The following PALM2AKAP2 variants were observed in gnomAD, a reference collection of about 807,000 sequenced individuals.
The protein encoded by PALM2AKAP2 is PALM2 and AKAP2 fusion.
A neutral mutation model predicts 71.5 loss-of-function variants in PALM2AKAP2; 37 were observed. The observed-to-expected ratio is 0.52, with a 90% CI of 0.40 to 0.68. The LOEUF is 0.68. Ranked by LOEUF, PALM2AKAP2 falls within the 30% of genes least tolerant of loss-of-function variation. PALM2AKAP2 has a pLI of 0.00. For synonymous variants in PALM2AKAP2, 468 were observed against 478.8 expected (o/e 0.98, Z 0.29); for missense variants, 1,224 against 1,191.8 (o/e 1.03, Z -0.40).
intron 3 of PALM2AKAP2, among the ~76,000 whole-genome samples, chr9:109,888,936 T>A (rs1434687477): frequency 6.6e-6 from 1 of 152,158 alleles, no homozygotes; most frequent in Non-Finnish European, 1.5e-5. Context: ...TAATAAAACA[T>A]GTCTCCAGAC....
At chr9:110,022,803 C>T (rs1833097697) in intron 7 of PALM2AKAP2, among the ~76,000 whole-genome samples, 1 of 151,880 alleles carries the variant, frequency 6.6e-6, no homozygotes, top group Non-Finnish European at 1.5e-5. Context: ...TGTTCAGTTC[C>T]CACCTATGAG....
chr9:110,095,465 T>C (rs1384961650), intron 1 of PALM2AKAP2, among the ~76,000 whole-genome samples: 1 of 152,076 alleles, frequency 6.6e-6, no homozygotes, highest in Non-Finnish European at 1.5e-5. Context: ...TTTTGGTTGG[T>C]GGTAATGCCT....
chr9:109,692,085 A>C (rs1827906566), intron 1 of PALM2AKAP2, among the ~76,000 whole-genome samples: 1 of 150,502 alleles, frequency 6.6e-6, no homozygotes, highest in Admixed American at 6.6e-5. Context: ...ATTTTTAAAA[A>C]ATTTTTAAAT....
intron 6 of PALM2AKAP2, chr9:109,942,875 G>A (rs1831409294): frequency 1.9e-6 from 3 of 1,614,042 alleles, no homozygotes; most frequent in African/African-American, 2.7e-5. Flanking sequence ...CACAAATTAA[G>A]CACAAAGGAT....
intron 2 of PALM2AKAP2, among the ~76,000 whole-genome samples, chr9:109,876,493 T>A (rs564504017): frequency 6.6e-6 from 1 of 152,174 alleles, no homozygotes; most frequent in Non-Finnish European, 1.5e-5. Flanking sequence ...TCTTTCTTTT[T>A]TTTGAGACAG....
intron 1 of PALM2AKAP2, among the ~76,000 whole-genome samples, chr9:109,666,282 G>A (rs1319199486): frequency 6.6e-6 from 1 of 152,184 alleles, no homozygotes; most frequent in African/African-American, 2.4e-5. Context: ...ATCATGCTAG[G>A]AGCTGCAGAT....
chr9:110,099,823 T>C (rs1020137640), intron 1 of PALM2AKAP2, among the ~76,000 whole-genome samples: 7 of 151,856 alleles, frequency 4.6e-5, no homozygotes, highest in African/African-American at 1.5e-4. Context: ...TTCAATTGAT[T>C]TGTATTTCTT....
intron 2 of PALM2AKAP2, 151 bp from the exon 3 acceptor site, chr9:109,880,400 G>A (rs1829818124): frequency 8.8e-7 from 1 of 1,141,322 alleles, no homozygotes; most frequent in Non-Finnish European, 1.2e-6. Flanking sequence ...TGATCTAGAG[G>A]GAAGTAGGGA....
exon 2 of PALM2AKAP2, chr9:110,136,134 C>A: frequency 6.3e-7 from 1 of 1,575,180 alleles, no homozygotes; most frequent in Non-Finnish European, 8.6e-7. Flanking sequence ...CAGAAGCCTC[C>A]CCAGCTTTCT....
At chr9:109,809,274 G>T (rs1827665060) in intron 1 of PALM2AKAP2, among the ~76,000 whole-genome samples, 1 of 152,168 alleles carries the variant, frequency 6.6e-6, no homozygotes, top group South Asian at 2.1e-4. Flanking sequence ...ACTGGGAGGG[G>T]AGCTTTACCC....
chr9:109,915,925 G>T (rs930696724), intron 3 of PALM2AKAP2, among the ~76,000 whole-genome samples: 1 of 151,914 alleles, frequency 6.6e-6, no homozygotes, highest in Non-Finnish European at 1.5e-5. Flanking sequence ...CCAACACCCA[G>T]GCAAAGGGAA....
chr9:109,660,861 A>G (rs971541499), intron 1 of PALM2AKAP2, among the ~76,000 whole-genome samples: 2 of 152,132 alleles, frequency 1.3e-5, no homozygotes, highest in African/African-American at 4.8e-5. Context: ...TTGCCATTCT[A>G]ACTGGCATGA....
chr9:110,051,146 T>A (rs1833702844), intron 1 of PALM2AKAP2, among the ~76,000 whole-genome samples: 1 of 152,198 alleles, frequency 6.6e-6, no homozygotes, highest in African/African-American at 2.4e-5. Context: ...AGCTGGGCTT[T>A]GAGATGGGAC....
At chr9:110,073,382 C>G (rs181360820) in intron 1 of PALM2AKAP2, among the ~76,000 whole-genome samples, 98 of 152,328 alleles carry the variant, frequency 6.4e-4, no homozygotes, top group African/African-American at 2.3e-3. Flanking sequence ...ATGACCTGAG[C>G]TGAGAATTGC....
chr9:109,802,773 T>C (rs1266284766), intron 1 of PALM2AKAP2, among the ~76,000 whole-genome samples: 1 of 152,220 alleles, frequency 6.6e-6, no homozygotes, highest in Non-Finnish European at 1.5e-5. Flanking sequence ...GAAAACATGG[T>C]ACCTGGCTGG....
rs1182201047 is a variant in PALM2AKAP2, at chr9:110,032,036, A to C, written c.582+15997A>C. ...ATAAAACCGAACAGCCTTCTCAGTA[A>C]ATAAGCAAAGCTTAGCTTACGGGGA... On this transcript the variant is annotated intron_variant, in intron 7 of 9. Transcript: ENST00000302798. 2.0e-5 allele frequency among the ~76,000 whole-genome samples: 3 copies of C among 151,258 alleles called. No homozygotes were observed. In the East Asian group the frequency reaches 5.8e-4, roughly 29 times the overall value.
chr9:109,768,654 A>T (rs1396227792), intron 1 of PALM2AKAP2, among the ~76,000 whole-genome samples: 1 of 152,200 alleles, frequency 6.6e-6, no homozygotes, highest in Non-Finnish European at 1.5e-5. Flanking sequence ...TACATCTGCC[A>T]CTTAGAAGCT....
chr9:109,991,621 C>G (rs1313384942), intron 6 of PALM2AKAP2, among the ~76,000 whole-genome samples: 2 of 152,220 alleles, frequency 1.3e-5, no homozygotes, highest in African/African-American at 4.8e-5. Flanking sequence ...AACTCCTCCC[C>G]CTAATACTGA....
intron 1 of PALM2AKAP2, among the ~76,000 whole-genome samples, chr9:109,669,700 T>C (rs902462692): frequency 4.6e-5 from 7 of 151,270 alleles, no homozygotes; most frequent in Non-Finnish European, 8.8e-5. Flanking sequence ...AAATTTTTGG[T>C]AATATCATCT....
Sources: gnomAD v4.1 joint callset for allele counts (sites outside exome capture counted in the v4.1 genomes callset) on GRCh38, gnomAD v4.1.1 for gene constraint, MANE v1.5 for transcripts, NCBI Gene and HGNC (gene_info 2026-07-23, HGNC 2026-07-21) for gene names.